The following DNER variants were observed in gnomAD, a reference collection of about 807,000 sequenced individuals.
DNER encodes the protein delta/notch like EGF repeat containing.
Under a neutral mutation model 78.2 loss-of-function variants are expected in DNER, and 33 were observed. The ratio of observed to expected loss-of-function variants is 0.42; its 90% CI spans 0.32 to 0.56. The LOEUF is 0.56. Among genes scored for constraint, DNER ranks in the 20% least tolerant of loss-of-function variants. The pLI is 0.11. For synonymous variants in DNER, 417 were observed against 384.8 expected, an observed-to-expected ratio of 1.08 and a Z score of -0.98; for missense variants, 918 against 975.3, an observed-to-expected ratio of 0.94 and a Z score of 0.78.
At chr2:229,397,467 A>AAAAAAAAAAAAAC (rs1553603078) in intron 10 of DNER, among the ~76,000 whole-genome samples, 2 of 150,364 alleles carry the variant, frequency 1.3e-5, no homozygotes, top group East Asian at 3.9e-4. Flanking sequence ...ACACTACAAA[A>AAAAAAAAAAAAAC]AAAAAAAAAA....
intron 8 of DNER, among the ~76,000 whole-genome samples, chr2:229,418,791 G>T (rs1346501009): frequency 2.0e-5 from 3 of 151,964 alleles, no homozygotes; most frequent in Admixed American, 6.6e-5. Flanking sequence ...CGTGGTGGCG[G>T]GCGCCTGTAA....
chr2:229,511,437 A>T (rs1210454881), intron 6 of DNER, among the ~76,000 whole-genome samples: 1 of 152,216 alleles, frequency 6.6e-6, no homozygotes, highest in East Asian at 1.9e-4. Flanking sequence ...TTGTCAGAGC[A>T]TGAAGTCTAC....
chr2:229,480,509 T>G (rs897782805), intron 6 of DNER, among the ~76,000 whole-genome samples: 2 of 152,232 alleles, frequency 1.3e-5, no homozygotes, highest in African/African-American at 2.4e-5. Flanking sequence ...AATATTCCCA[T>G]GCACTTAATT....
intron 6 of DNER, among the ~76,000 whole-genome samples, chr2:229,497,232 T>C (rs1695519061): frequency 6.6e-6 from 1 of 151,502 alleles, no homozygotes. Context: ...AAAAGAAAAA[T>C]GTAAAAATAT....
At chr2:229,532,780 T>G (rs997081932) in intron 5 of DNER, among the ~76,000 whole-genome samples, 5 of 152,264 alleles carry the variant, frequency 3.3e-5, no homozygotes, top group African/African-American at 1.2e-4. Context: ...ATAATTTTAA[T>G]TGGCTGGCTT....
At chr2:229,477,036 G>T (rs1023713385) in intron 7 of DNER, 104 bp downstream of exon 7, 1 of 855,226 alleles carries the variant, frequency 1.2e-6, no homozygotes. Flanking sequence ...AAAACAGGAA[G>T]TTCTCTTGTG....
At chr2:229,583,513 T>C (rs375325372) in intron 4 of DNER, among the ~76,000 whole-genome samples, 1 of 152,224 alleles carries the variant, frequency 6.6e-6, no homozygotes, top group South Asian at 2.1e-4. Context: ...CAAACTGTTG[T>C]AAAGTCAAAA....
intron 1 of DNER, among the ~76,000 whole-genome samples, chr2:229,630,510 AATAATAATAAT>A (rs1698416593): frequency 2.0e-5 from 3 of 148,904 alleles, no homozygotes; most frequent in African/African-American, 7.4e-5. Flanking sequence ...TAATAATAAT[AATAATAATAAT>A]AAAATCTTCT....
chr2:229,614,688 A>T (rs1484098120), intron 1 of DNER, among the ~76,000 whole-genome samples: 1 of 152,220 alleles, frequency 6.6e-6, no homozygotes, highest in Non-Finnish European at 1.5e-5. Flanking sequence ...CCCGGGCATA[A>T]GAGACTGGGC....
intron 11 of DNER, among the ~76,000 whole-genome samples, chr2:229,380,810 A>T (rs1414953949): frequency 6.6e-6 from 1 of 152,120 alleles, no homozygotes; most frequent in Non-Finnish European, 1.5e-5. Context: ...CTGTAATCCC[A>T]GCTACTCGGG....
intron 1 of DNER, among the ~76,000 whole-genome samples, chr2:229,685,807 G>A (rs1394882285): frequency 1.3e-5 from 2 of 152,186 alleles, no homozygotes; most frequent in Non-Finnish European, 2.9e-5. Flanking sequence ...TCACGGTGTG[G>A]ACAGATAGCA....
chr2:229,568,194 T>C (rs1259228233), intron 4 of DNER, among the ~76,000 whole-genome samples: 1 of 152,204 alleles, frequency 6.6e-6, no homozygotes, highest in Non-Finnish European at 1.5e-5. Flanking sequence ...AGAGGCCCCC[T>C]GCTTTCATTT....
At chr2:229,567,209 TA>T (rs1248364427) in intron 4 of DNER, among the ~76,000 whole-genome samples, 1 of 152,246 alleles carries the variant, frequency 6.6e-6, no homozygotes, top group Non-Finnish European at 1.5e-5. Flanking sequence ...GTTATATTTT[TA>T]TTATCAACTA....
chr2:229,365,493 G>A (rs1692324464), intron 12 of DNER, among the ~76,000 whole-genome samples: 1 of 152,218 alleles, frequency 6.6e-6, no homozygotes. Context: ...TTGGAGTGCA[G>A]TGGTGCCATC....
intron 5 of DNER, among the ~76,000 whole-genome samples, chr2:229,531,313 A>C (rs1417753160): frequency 6.6e-6 from 1 of 152,190 alleles, no homozygotes; most frequent in African/African-American, 2.4e-5. Context: ...GATCTGCTTC[A>C]TGCACAAACA....
Position 229,477,151 on chromosome 2 carries a change from T to C in DNER, c.1250A>G (p.Gln417Arg), listed in dbSNP as rs1191439117. The change falls in exon 7 of 13, where the codon CAG (glutamine) becomes CGG (arginine). Residue 417 changes from glutamine (Q) to arginine (R), a missense_variant. By Grantham distance (43) the Gln-to-Arg change is conservative. Transcript: ENST00000341772. ...TAAATACTAATTACCTTCTGGACAC[T>C]GGCAGGTGAATCCACTGAGACTGGA... The part of the protein sequence containing the change: ...CISSLSGFTC[Q>R]CPEGYFGSAC... 4.3e-6 allele frequency: 7 copies of C among 1,613,582 alleles called. No individual in the cohort carries two copies. Among genetic ancestry groups the C allele is most frequent in the South Asian group, 1.1e-5 (1 of 91,004 alleles).
At chr2:229,666,292 C>CATTT (rs1265577236) in intron 1 of DNER, among the ~76,000 whole-genome samples, 1 of 152,166 alleles carries the variant, frequency 6.6e-6, no homozygotes, top group African/African-American at 2.4e-5. Flanking sequence ...CACTCTAGAA[C>CATTT]AAATCATTGG....
chr2:229,448,612 A>G (rs1445144168), intron 7 of DNER, among the ~76,000 whole-genome samples: 1 of 152,132 alleles, frequency 6.6e-6, no homozygotes, highest in Non-Finnish European at 1.5e-5. Context: ...GGTGATTTTT[A>G]TCTTGTTTCC....
At chr2:229,614,800 A>G (rs1698122620) in intron 1 of DNER, among the ~76,000 whole-genome samples, 1 of 152,236 alleles carries the variant, frequency 6.6e-6, no homozygotes, top group Admixed American at 6.5e-5. Flanking sequence ...GGCTGGTTAG[A>G]GAAATCAAAA....
Sources: allele counts gnomAD v4.1 joint callset (sites outside exome capture counted in the v4.1 genomes callset), GRCh38; gene constraint gnomAD v4.1.1; transcripts MANE v1.5; gene names NCBI Gene and HGNC (gene_info 2026-07-23, HGNC 2026-07-21).